Variants in OLA1 observed in about 807,000 individuals in gnomAD.
OLA1 encodes the protein obg-like ATPase 1.
In OLA1, 14 loss-of-function variants were observed where a neutral mutation model predicts 48.4. That is an observed-to-expected ratio of 0.29 (90% confidence interval 0.19 to 0.45). The LOEUF is 0.45. Ranked by LOEUF, OLA1 falls within the 20% of genes least tolerant of loss-of-function variation. The pLI is 1.00. For synonymous variants in OLA1, 127 were observed against 150.4 expected, an observed-to-expected ratio of 0.84 and a Z score of 1.14; for missense variants, 325 against 467.1, an observed-to-expected ratio of 0.70 and a Z score of 2.80.
chr2:174,226,846 T>C (rs1688627564), intron 3 of OLA1, among the ~76,000 whole-genome samples: 1 of 152,004 alleles, frequency 6.6e-6, no homozygotes, highest in African/African-American at 2.4e-5. Context: ...TCGGCACAAA[T>C]TTGGGAGGCC....
At chr2:174,246,442 A>G in intron 2 of OLA1, among the ~76,000 whole-genome samples, 1 of 152,160 alleles carries the variant, frequency 6.6e-6, no homozygotes, top group East Asian at 1.9e-4. Flanking sequence ...TTCTCCATCA[A>G]GCTTATTATG....
intron 4 of OLA1, among the ~76,000 whole-genome samples, chr2:174,151,869 C>T (rs1052786992): frequency 2.6e-5 from 4 of 152,016 alleles, no homozygotes; most frequent in Non-Finnish European, 2.9e-5. Context: ...GTGAACGGGA[C>T]GAGGGACGAG....
At chr2:174,144,550 A>G (rs549862455) in intron 4 of OLA1, among the ~76,000 whole-genome samples, 1 of 152,174 alleles carries the variant, frequency 6.6e-6, no homozygotes, top group East Asian at 1.9e-4. Context: ...AAAATTGGAG[A>G]TTCTTTTCCA....
At chr2:174,171,106 C>T (rs1479102484) in intron 4 of OLA1, among the ~76,000 whole-genome samples, 1 of 152,000 alleles carries the variant, frequency 6.6e-6, no homozygotes, top group Non-Finnish European at 1.5e-5. Context: ...GTGTATGTGC[C>T]TAATAACAGC....
chr2:174,139,479 A>G (rs1210688067), intron 5 of OLA1, among the ~76,000 whole-genome samples: 5 of 152,158 alleles, frequency 3.3e-5, no homozygotes, highest in Non-Finnish European at 5.9e-5. Context: ...GGAAACAAAC[A>G]CACTTGGCTG....
intron 2 of OLA1, among the ~76,000 whole-genome samples, chr2:174,231,811 A>G (rs1418228742): frequency 6.6e-6 from 1 of 152,254 alleles, no homozygotes; most frequent in Non-Finnish European, 1.5e-5. Context: ...AAAATTTCTA[A>G]GGATCATTAC....
chr2:174,097,017 G>A lies in OLA1; in HGVS notation c.729-14953C>T, dbSNP rs112857584. Reference sequence around the variant, plus strand: ...CTAAAAATACAAAAATTGGCCGGGCGTGGTGGCAGGTGCCTGTAATCCCAG... The same window carrying A: ...CTAAAAATACAAAAATTGGCCGGGCATGGTGGCAGGTGCCTGTAATCCCAG... On this transcript the variant is annotated intron_variant, in intron 7 of 10. Coordinates refer to ENST00000284719, the MANE Select transcript of OLA1 (RefSeq NM_013341.5). Among the ~76,000 whole-genome samples the A allele has an allele frequency of 2.5e-3, 381 of 152,246 alleles. 1 individual carries two copies. Among genetic ancestry groups the A allele is most frequent in the Non-Finnish European group, 4.2e-3 (289 of 68,012 alleles).
intron 4 of OLA1, among the ~76,000 whole-genome samples, chr2:174,205,045 G>A (rs1299846325): frequency 6.6e-6 from 1 of 152,080 alleles, no homozygotes; most frequent in African/African-American, 2.4e-5. Context: ...TATCTAAAAC[G>A]GTGTTAAAGT....
At chr2:174,099,376 G>A (rs535794606) in intron 7 of OLA1, among the ~76,000 whole-genome samples, 104 of 152,172 alleles carry the variant, frequency 6.8e-4, no homozygotes, top group Non-Finnish European at 1.1e-3. Flanking sequence ...GGATGGTCTC[G>A]ATCTCTTGAA....
At chr2:174,175,060 G>C (rs1222809695) in intron 4 of OLA1, among the ~76,000 whole-genome samples, 1 of 151,950 alleles carries the variant, frequency 6.6e-6, no homozygotes. Flanking sequence ...CTATGCATCT[G>C]TATGGAAGAA....
chr2:174,079,119 AT>A, intron 9 of OLA1, 29 bp from the exon 10 acceptor site: 1 of 1,568,046 alleles, frequency 6.4e-7, no homozygotes. Context: ...GAGAAAACTA[AT>A]TGCATTTAAG....
At chr2:174,231,947 T>C (rs1574568928) in intron 2 of OLA1, among the ~76,000 whole-genome samples, 1 of 152,330 alleles carries the variant, frequency 6.6e-6, no homozygotes, top group South Asian at 2.1e-4. Context: ...ATGCTTTTTG[T>C]AAAATGAGAA....
intron 5 of OLA1, among the ~76,000 whole-genome samples, chr2:174,134,239 T>C (rs1040770544): frequency 2.6e-5 from 4 of 152,238 alleles, no homozygotes; most frequent in African/African-American, 9.6e-5. Flanking sequence ...AATTAACTTT[T>C]AGAGAAACTG....
chr2:174,192,879 T>C (rs939880097), intron 4 of OLA1, among the ~76,000 whole-genome samples: 3 of 152,164 alleles, frequency 2.0e-5, no homozygotes, highest in Non-Finnish European at 4.4e-5. Flanking sequence ...TTGTTCTCTA[T>C]ACATAATGTT....
At chr2:174,180,204 G>T (rs1314014776) in intron 4 of OLA1, among the ~76,000 whole-genome samples, 3 of 151,902 alleles carry the variant, frequency 2.0e-5, no homozygotes, top group Non-Finnish European at 4.4e-5. Context: ...ATAAAATATA[G>T]TTTGTTATAA....
At chr2:174,173,314 A>C (rs1279736975) in intron 4 of OLA1, among the ~76,000 whole-genome samples, 2 of 122,384 alleles carry the variant, frequency 1.6e-5, no homozygotes, top group African/African-American at 3.2e-5. Context: ...ATTGGAGCTG[A>C]AGACCTTAAG....
chr2:174,246,956 A>G (rs1251795157), intron 1 of OLA1, 141 bp from the exon 2 acceptor site: 2 of 466,394 alleles, frequency 4.3e-6, no homozygotes, highest in Non-Finnish European at 7.7e-6. Context: ...ACTAACACAG[A>G]GCTAAATCCA....
At position 174,161,919 on chromosome 2, in the gene OLA1, T is replaced by C. The variant is rs147818737; in HGVS notation, c.374-19919A>G. Reference sequence around the variant, plus strand: ...CGTATTTTAGGTATCTAGGGAGAGATGAAATTAAATGACATGGCCCATACT... The same window carrying C: ...CGTATTTTAGGTATCTAGGGAGAGACGAAATTAAATGACATGGCCCATACT... On this transcript the variant is annotated intron_variant, in intron 4 of 10. Transcript: ENST00000284719. Among the ~76,000 whole-genome samples the C allele has an allele frequency of 3.4e-3, 512 of 152,190 alleles. 3 individuals are homozygous for C. The highest frequency in any genetic ancestry group is 5.9e-3 in the Non-Finnish European group (398 of 68,012).
At chr2:174,180,852 C>A (rs1309889396) in intron 4 of OLA1, among the ~76,000 whole-genome samples, 1 of 152,202 alleles carries the variant, frequency 6.6e-6, no homozygotes, top group African/African-American at 2.4e-5. Flanking sequence ...CAAATCCTAA[C>A]TGCATGTTTT....
Sources: allele counts gnomAD v4.1 joint callset (sites outside exome capture counted in the v4.1 genomes callset), GRCh38; gene constraint gnomAD v4.1.1; transcripts MANE v1.5; gene names NCBI Gene and HGNC (gene_info 2026-07-23, HGNC 2026-07-21).